Variants in ACTL8 observed in about 807,000 individuals in gnomAD.
The protein encoded by ACTL8 is actin like 8.
Under a neutral mutation model 9.3 loss-of-function variants are expected in ACTL8, and 3 were observed. That is an observed-to-expected ratio of 0.32 (90% confidence interval 0.15 to 0.83). ACTL8 has a LOEUF of 0.83. ACTL8 is among the 40% of genes least tolerant of loss of function. The probability of loss-of-function intolerance (pLI) is 0.57; values close to 1 mark genes in which losing one functional copy is unlikely to be tolerated. For missense variants in ACTL8, 381 were observed against 492.2 expected, an observed-to-expected ratio of 0.77 and a Z score of 2.14; for synonymous variants, 224 against 205.9, an observed-to-expected ratio of 1.09 and a Z score of -0.75.
Position 17,823,185 on chromosome 1 carries a change from T to C in ACTL8, c.177T>C (p.His59=), listed in dbSNP as rs755719223. ...RRVSLGIDIC[H]PDTFSYPIER... is the part of the protein sequence containing the mutation. Reference sequence around the variant, plus strand: ...TGAGCCTGGGCATCGACATTTGCCATCCTGACACCTTTAGCTACCCCATCG... The same window carrying C: ...TGAGCCTGGGCATCGACATTTGCCACCCTGACACCTTTAGCTACCCCATCG... The change falls in exon 2 of 3, where the codon CAT becomes CAC. Residue 59 remains histidine (H), a synonymous_variant. Coordinates refer to ENST00000375406, the MANE Select transcript of ACTL8 (RefSeq NM_030812.3). This position sits in a 1 kb window ranked among gnomAD's most constrained non-coding sequence, Gnocchi z 5.3. 1 of 1,614,172 alleles carries C rather than the reference T, an allele frequency of 6.2e-7. No individual in the cohort carries two copies. The highest frequency in any genetic ancestry group is 1.3e-5 in the African/African-American group (1 of 75,040).
intron 1 of ACTL8, among the ~76,000 whole-genome samples, chr1:17,797,468 A>G (rs1287428149): frequency 6.6e-6 from 1 of 152,106 alleles, no homozygotes; most frequent in African/African-American, 2.4e-5. Flanking sequence ...TCCCAAAAGG[A>G]GTGTTCTGTA....
At chr1:17,817,242 C>T (rs2066432264) in intron 1 of ACTL8, among the ~76,000 whole-genome samples, 1 of 151,168 alleles carries the variant, frequency 6.6e-6, no homozygotes, top group South Asian at 2.1e-4. Flanking sequence ...TGTTGGCTGC[C>T]ATGTCTTTCA....
intron 1 of ACTL8, among the ~76,000 whole-genome samples, chr1:17,792,716 A>C (rs866565382): frequency 6.6e-6 from 1 of 152,174 alleles, no homozygotes; most frequent in African/African-American, 2.4e-5. Context: ...TCCTGAGCAG[A>C]GTGTCTGCCC....
intron 1 of ACTL8, among the ~76,000 whole-genome samples, chr1:17,786,818 C>A (rs993515010): frequency 4.6e-5 from 7 of 152,096 alleles, no homozygotes; most frequent in Admixed American, 4.6e-4. Flanking sequence ...CCTCAGACTC[C>A]CAAGTAACTG....
At chr1:17,761,535 C>T (rs565243925) in intron 1 of ACTL8, among the ~76,000 whole-genome samples, 3 of 151,602 alleles carry the variant, frequency 2.0e-5, no homozygotes, top group African/African-American at 7.3e-5. Context: ...CGAAGGAACA[C>T]GGGGAAGGCA....
chr1:17,764,425 G>C (rs1029829012), intron 1 of ACTL8, among the ~76,000 whole-genome samples: 4 of 152,178 alleles, frequency 2.6e-5, no homozygotes, highest in Non-Finnish European at 5.9e-5. Context: ...AAAACTGGGG[G>C]TTCACTTCTT....
At chr1:17,793,177 C>T (rs929800374) in intron 1 of ACTL8, among the ~76,000 whole-genome samples, 2 of 152,180 alleles carry the variant, frequency 1.3e-5, no homozygotes, top group Non-Finnish European at 1.5e-5. Context: ...GGCTGGACTT[C>T]CCTCTCTTTT....
At chr1:17,774,873 GA>G (rs2066108442) in intron 1 of ACTL8, among the ~76,000 whole-genome samples, 1 of 152,194 alleles carries the variant, frequency 6.6e-6, no homozygotes, top group Admixed American at 6.5e-5. Context: ...CGTCTCCCAG[GA>G]GATGATGCTC....
intron 1 of ACTL8, among the ~76,000 whole-genome samples, chr1:17,775,223 A>AG (rs139038430): frequency 2.1e-3 from 316 of 152,222 alleles, no homozygotes; most frequent in African/African-American, 7.4e-3. Flanking sequence ...TTAGAGACCG[A>AG]GGGCTGATGT....
At chr1:17,808,989 G>A (rs1290871635) in intron 1 of ACTL8, among the ~76,000 whole-genome samples, 1 of 152,166 alleles carries the variant, frequency 6.6e-6, no homozygotes, top group African/African-American at 2.4e-5. Context: ...TTTGGAGCAG[G>A]AAAGTAACCA....
chr1:17,781,156 G>A (rs2066152025), intron 1 of ACTL8, among the ~76,000 whole-genome samples: 1 of 151,832 alleles, frequency 6.6e-6, no homozygotes, highest in East Asian at 1.9e-4. Flanking sequence ...TGCCATCTCC[G>A]GCTCTGTCCT....
chr1:17,772,125 C>A (rs1323008814), intron 1 of ACTL8, among the ~76,000 whole-genome samples: 3 of 152,190 alleles, frequency 2.0e-5, no homozygotes, highest in African/African-American at 7.2e-5. Flanking sequence ...TGGGTGTAGT[C>A]TTCCGTGTTC....
intron 2 of ACTL8, among the ~76,000 whole-genome samples, chr1:17,825,258 TTTTTCTTTTC>T (rs145223317): frequency 1.3e-5 from 2 of 151,928 alleles, no homozygotes; most frequent in Admixed American, 1.3e-4. Flanking sequence ...CTTTTTTTCT[TTTTTCTTTTC>T]TTTTCTTTTC....
intron 1 of ACTL8, among the ~76,000 whole-genome samples, chr1:17,783,007 A>G (rs566663237): frequency 6.6e-6 from 1 of 152,322 alleles, no homozygotes; most frequent in East Asian, 1.9e-4. Flanking sequence ...CCAGTATGCC[A>G]GGCCAGCTGC....
chr1:17,795,948 T>G (rs1030281033), intron 1 of ACTL8, among the ~76,000 whole-genome samples: 13 of 152,292 alleles, frequency 8.5e-5, no homozygotes, highest in Admixed American at 7.8e-4. Flanking sequence ...CAGCATCTCA[T>G]TCCCCTGATG....
At chr1:17,758,680 G>A (rs1414967938) in intron 1 of ACTL8, among the ~76,000 whole-genome samples, 1 of 152,172 alleles carries the variant, frequency 6.6e-6, no homozygotes, top group Non-Finnish European at 1.5e-5. Context: ...GCTGTTTCCT[G>A]GGGATCTAAA....
At chr1:17,780,209 GA>G (rs1274256860) in intron 1 of ACTL8, among the ~76,000 whole-genome samples, 4 of 151,844 alleles carry the variant, frequency 2.6e-5, no homozygotes, top group South Asian at 4.2e-4. Context: ...ACCCTGTCTT[GA>G]AAAAAAACCC....
intron 1 of ACTL8, among the ~76,000 whole-genome samples, chr1:17,790,274 G>A (rs1415462406): frequency 1.3e-5 from 2 of 152,222 alleles, no homozygotes; most frequent in African/African-American, 2.4e-5. Flanking sequence ...TCCCTGAAGG[G>A]CCACAGCTCT....
chr1:17,783,424 C>G (rs556212818), intron 1 of ACTL8, among the ~76,000 whole-genome samples: 1 of 151,184 alleles, frequency 6.6e-6, no homozygotes, highest in African/African-American at 2.4e-5. Flanking sequence ...TGCCTGGAGG[C>G]TGTCTGTGTG....
Sources: allele counts gnomAD v4.1 joint callset (sites outside exome capture counted in the v4.1 genomes callset), GRCh38; gene constraint gnomAD v4.1.1; non-coding constraint Gnocchi (gnomAD v3.1); transcripts MANE v1.5; gene names NCBI Gene and HGNC (gene_info 2026-07-23, HGNC 2026-07-21).